The following TDRD12 variants were observed in gnomAD, a reference collection of about 807,000 sequenced individuals.
TDRD12 encodes tudor domain containing 12.
TDRD12 carries 158 observed loss-of-function variants against 133.5 expected under a neutral mutation model. That is an observed-to-expected ratio of 1.18 (90% CI 1.04 to 1.35). The LOEUF (loss-of-function observed/expected upper bound fraction) is 1.35. Among genes scored for constraint, TDRD12 ranks in the 40% most tolerant of loss-of-function variants. TDRD12 has a pLI of 0.00. For synonymous variants in TDRD12, 460 were observed against 477.9 expected (o/e 0.96, Z 0.49); for missense variants, 1,443 against 1,321.3 (o/e 1.09, Z -1.43).
At chr19:32,811,770 G>A (rs1021186788) in intron 24 of TDRD12, among the ~76,000 whole-genome samples, 7 of 152,198 alleles carry the variant, frequency 4.6e-5, no homozygotes, top group Non-Finnish European at 1.0e-4. Flanking sequence ...TTGGGAAGCC[G>A]AGGGATGAGG....
chr19:32,720,160 G>GC, intron 1 of TDRD12, 64 bp downstream of exon 1: 1 of 1,186,522 alleles, frequency 8.4e-7, no homozygotes, highest in Non-Finnish European at 1.1e-6. Context: ...CCCCAGCCGC[G>GC]CACAGCCTCC....
intron 17 of TDRD12, 61 bp downstream of exon 17, chr19:32,800,419 C>A: frequency 8.0e-7 from 1 of 1,255,392 alleles, no homozygotes; most frequent in Non-Finnish European, 1.1e-6. Flanking sequence ...TGGTGGGGGG[C>A]TGATGAACAC....
intron 21 of TDRD12, 83 bp from the exon 22 acceptor site, chr19:32,807,466 A>T: frequency 1.1e-6 from 1 of 900,310 alleles, no homozygotes; most frequent in Non-Finnish European, 1.6e-6. Flanking sequence ...TTTAGGTTGC[A>T]GATTAATTTT....
At chr19:32,762,306 G>A (rs1970172684) in intron 8 of TDRD12, among the ~76,000 whole-genome samples, 1 of 152,158 alleles carries the variant, frequency 6.6e-6, no homozygotes, top group Non-Finnish European at 1.5e-5. Context: ...TTTTCTAGGA[G>A]TTTTGTATTT....
At chr19:32,742,112 A>G (rs1366856844) in intron 3 of TDRD12, among the ~76,000 whole-genome samples, 2 of 151,358 alleles carry the variant, frequency 1.3e-5, no homozygotes, top group East Asian at 3.9e-4. Flanking sequence ...CTTTACAGGT[A>G]TGTTCATTAG....
intron 4 of TDRD12, among the ~76,000 whole-genome samples, chr19:32,746,078 C>CTG (rs1969610747): frequency 1.6e-5 from 2 of 125,444 alleles, no homozygotes; most frequent in Non-Finnish European, 1.7e-5. Flanking sequence ...TGTGGTTATT[C>CTG]TGTGTGTGAC....
chr19:32,815,342 C>A, intron 25 of TDRD12, 106 bp from the exon 26 acceptor site: 1 of 955,848 alleles, frequency 1.0e-6, no homozygotes, highest in Non-Finnish European at 1.5e-6. Context: ...GAAGTGCAGC[C>A]AACGTGGCAG....
At chr19:32,731,283 A>C (rs892309626) in intron 1 of TDRD12, among the ~76,000 whole-genome samples, 1 of 152,130 alleles carries the variant, frequency 6.6e-6, no homozygotes, top group African/African-American at 2.4e-5. Context: ...AATCAGGCAC[A>C]GTGGCTTATG....
chr19:32,792,808 A>G (rs77916218), intron 13 of TDRD12, among the ~76,000 whole-genome samples: 6,067 of 152,288 alleles, frequency 0.04, 417 homozygotes, highest in African/African-American at 0.14. Flanking sequence ...AGGCTTCAAG[A>G]GAGATGAAAC....
At chr19:32,739,282 T>C (rs1969319868) in intron 3 of TDRD12, among the ~76,000 whole-genome samples, 1 of 151,946 alleles carries the variant, frequency 6.6e-6, no homozygotes, top group African/African-American at 2.4e-5. Context: ...GGCTGCTCTC[T>C]GCATCTCCTG....
intron 3 of TDRD12, 105 bp from the exon 4 acceptor site, chr19:32,742,676 G>A (rs1204781039): frequency 3.4e-6 from 4 of 1,182,500 alleles, no homozygotes; most frequent in South Asian, 3.5e-5. Context: ...TGTTTTTTGT[G>A]TGTTTTGTTT....
chr19:32,809,948 G>T, intron 22 of TDRD12, 145 bp from the exon 23 acceptor site: 1 of 475,052 alleles, frequency 2.1e-6, no homozygotes, highest in South Asian at 6.8e-5. Context: ...TGCTTTTTTG[G>T]CTAGCTTCCT....
In TDRD12 at chr19:32,810,287, C is replaced by G. The variant is rs756328163; in HGVS notation, c.2837+10C>G. On this transcript the variant is annotated intron_variant, in intron 23 of 27. Transcript: ENST00000444215. ...AAACGCTTTTTCACAGGTAACACAT[C>G]TGTTTACTTCATCTGTAAAGTTTTG... is the stretch of plus-strand genomic sequence containing the variant. 5 of 1,492,248 alleles carry G rather than the reference C, an allele frequency of 3.4e-6. No individual in the cohort carries two copies. The South Asian group carries it at 6.6e-5, about 20-fold the overall frequency. 92.4% of individuals were successfully genotyped at this position (1,492,248 alleles called of 1,614,324 possible).
At chr19:32,770,790 A>G (rs990548384) in intron 8 of TDRD12, among the ~76,000 whole-genome samples, 1 of 152,226 alleles carries the variant, frequency 6.6e-6, no homozygotes, top group Non-Finnish European at 1.5e-5. Flanking sequence ...CATGGTACCT[A>G]TCACATAGAA....
exon 8 of TDRD12, chr19:32,757,057 T>A (rs1301587045): frequency 3.2e-6 from 5 of 1,551,832 alleles, no homozygotes; most frequent in Non-Finnish European, 4.4e-6. Flanking sequence ...GTGTAAATTT[T>A]CCGGCACAAT....
intron 10 of TDRD12, among the ~76,000 whole-genome samples, chr19:32,776,887 C>A (rs1420787673): frequency 6.6e-6 from 1 of 152,104 alleles, no homozygotes; most frequent in Non-Finnish European, 1.5e-5. Context: ...AAGGGGTTCA[C>A]AATTTTTCAT....
chr19:32,761,525 T>C (rs1020578597), intron 8 of TDRD12, among the ~76,000 whole-genome samples: 2 of 152,208 alleles, frequency 1.3e-5, no homozygotes, highest in Non-Finnish European at 2.9e-5. Context: ...CCTATTATTT[T>C]GTAGAATGTG....
intron 2 of TDRD12, among the ~76,000 whole-genome samples, chr19:32,734,537 A>AT (rs79732704): frequency 0.045 from 6,870 of 151,232 alleles, 277 homozygotes; most frequent in South Asian, 0.12. Context: ...CACCTGGCTA[A>AT]TTTTTTTGTA....
chr19:32,797,609 G>A, intron 14 of TDRD12, 126 bp from the exon 15 acceptor site: 1 of 536,500 alleles, frequency 1.9e-6, no homozygotes, highest in Non-Finnish European at 3.3e-6. Context: ...TTTCTGACCT[G>A]TATGATGATT....
Sources: gnomAD v4.1 joint callset for allele counts (sites outside exome capture counted in the v4.1 genomes callset) on GRCh38, gnomAD v4.1.1 for gene constraint, MANE v1.5 for transcripts, NCBI Gene and HGNC (gene_info 2026-07-23, HGNC 2026-07-21) for gene names.